Variants in ERI1 observed in about 807,000 individuals in gnomAD.
ERI1 encodes the protein exoribonuclease 1.
Under a neutral mutation model 39.7 loss-of-function variants are expected in ERI1, and 39 were observed. The observed-to-expected ratio is 0.98, with a 90% CI of 0.76 to 1.28. ERI1 has a LOEUF of 1.28. ERI1 is among the 50% of genes most tolerant of loss of function. The probability of loss-of-function intolerance (pLI) is 0.00; values close to 1 mark genes in which losing one functional copy is unlikely to be tolerated. For synonymous variants in ERI1, 204 were observed against 149.6 expected, an observed-to-expected ratio of 1.36 and a Z score of -2.65; for missense variants, 581 against 416.9, an observed-to-expected ratio of 1.39 and a Z score of -3.43.
At chr8:9,028,901 G>A (rs1797382165) in intron 6 of ERI1, among the ~76,000 whole-genome samples, 1 of 151,946 alleles carries the variant, frequency 6.6e-6, no homozygotes, top group Non-Finnish European at 1.5e-5. Flanking sequence ...TGGGATTACA[G>A]GCGTGAGCTA....
At chr8:9,062,917 A>G (rs536163392) in intron 3 of ERI1, 1 of 152,138 alleles carries the variant, frequency 6.6e-6, no homozygotes, top group East Asian at 2.0e-4. Context: ...CTGGGGGAGG[A>G]GGTTCTGGAG....
intron 3 of ERI1, among the ~76,000 whole-genome samples, chr8:9,074,130 A>C (rs1371764247): frequency 1.3e-5 from 2 of 151,410 alleles, no homozygotes; most frequent in Admixed American, 1.3e-4. Flanking sequence ...TGTTTTTTTG[A>C]GACATGGTCT....
chr8:9,099,482 C>T (rs1423591097), intron 3 of ERI1, among the ~76,000 whole-genome samples: 1 of 151,728 alleles, frequency 6.6e-6, no homozygotes, highest in South Asian at 2.1e-4. Flanking sequence ...GTGATCCCAA[C>T]TACTCAGGAG....
intron 3 of ERI1, among the ~76,000 whole-genome samples, chr8:9,045,823 T>C (rs951303185): frequency 2.0e-5 from 3 of 151,786 alleles, no homozygotes; most frequent in African/African-American, 7.3e-5. Context: ...ATTACAGGCA[T>C]GCATCACCAC....
Position 9,031,094 on chromosome 8 carries a change from AT to A in ERI1, c.*1064del, listed in dbSNP as rs1797555461. The A allele has an allele frequency of 6.6e-6, 1 of 152,172 alleles. No individual in the cohort carries two copies. The highest frequency in any genetic ancestry group is 2.4e-5 in the African/African-American group (1 of 41,452). 9.4% of individuals were successfully genotyped at this position (152,172 alleles called of 1,614,324 possible). A position where few individuals can be genotyped will look rare whatever the true frequency, so the allele number is the denominator to read the frequency against. On this transcript the variant is annotated 3_prime_UTR_variant, in exon 7 of 7. Coordinates refer to ENST00000250263, the MANE Select transcript of ERI1 (RefSeq NM_153332.4). The stretch of plus-strand genomic sequence containing the variant: ...TCTTATCTAGAGGCTAAACCCATGT[AT>A]TTTCAGAATTGAATTTTTCTCCTTG...
At chr8:9,003,964 A>C in intron 1 of ERI1, 1 of 624,070 alleles carries the variant, frequency 1.6e-6, no homozygotes, top group Non-Finnish European at 2.6e-6. Context: ...CAATAACATG[A>C]ATTTGGCTTA....
At chr8:9,025,208 A>G (rs750520603) in intron 6 of ERI1, among the ~76,000 whole-genome samples, 4 of 152,206 alleles carry the variant, frequency 2.6e-5, no homozygotes, top group African/African-American at 4.8e-5. Flanking sequence ...ATTATCTCCT[A>G]CAGTTTTTCC....
chr8:9,091,650 G>C (rs2117479082), intron 3 of ERI1: 1 of 152,284 alleles, frequency 6.6e-6, no homozygotes, highest in Middle Eastern at 3.4e-3. Flanking sequence ...AGATAAATTT[G>C]ACTGTGGTTC....
downstream of ERI1, among the ~76,000 whole-genome samples, chr8:9,034,652 C>T (rs1260462628): frequency 1.3e-5 from 2 of 151,920 alleles, no homozygotes; most frequent in East Asian, 1.9e-4. Context: ...CTACCTATTC[C>T]CTGAGACACA....
intron 3 of ERI1, chr8:9,091,098 A>G (rs1168626265): frequency 6.6e-6 from 1 of 152,214 alleles, no homozygotes; most frequent in African/African-American, 2.4e-5. Flanking sequence ...ATTTATGTGT[A>G]AGTTTAAAAT....
At chr8:9,052,347 G>A (rs1306614199) in intron 3 of ERI1, among the ~76,000 whole-genome samples, 1 of 151,654 alleles carries the variant, frequency 6.6e-6, no homozygotes, top group Non-Finnish European at 1.5e-5. Flanking sequence ...TCCCCTTTAA[G>A]CAAAATTGAG....
intron 3 of ERI1, among the ~76,000 whole-genome samples, chr8:9,059,561 C>A (rs1450154298): frequency 6.6e-6 from 1 of 151,698 alleles, no homozygotes; most frequent in African/African-American, 2.4e-5. Flanking sequence ...TGATGATGGC[C>A]TAGATACAAT....
At chr8:9,074,380 C>T (rs1373266938) in intron 3 of ERI1, among the ~76,000 whole-genome samples, 1 of 152,046 alleles carries the variant, frequency 6.6e-6, no homozygotes, top group African/African-American at 2.4e-5. Flanking sequence ...CCTCCTCAGC[C>T]TCCCAAAATG....
At chr8:9,056,914 A>G (rs1178744178) in intron 3 of ERI1, among the ~76,000 whole-genome samples, 26 of 150,254 alleles carry the variant, frequency 1.7e-4, no homozygotes, top group Admixed American at 1.7e-3. Context: ...TCTCACTGTA[A>G]TCTTTGTCAT....
At chr8:9,005,616 G>A (rs1005167447) in intron 1 of ERI1, among the ~76,000 whole-genome samples, 4 of 150,170 alleles carry the variant, frequency 2.7e-5, no homozygotes, top group African/African-American at 9.8e-5. Context: ...ACGGGTTCAC[G>A]CCATTCTCCT....
At chr8:9,096,831 C>T (rs975678684) in intron 3 of ERI1, 3 of 151,768 alleles carry the variant, frequency 2.0e-5, no homozygotes, top group African/African-American at 7.3e-5. Flanking sequence ...ATGCTCCCGC[C>T]TCAGCCTCCC....
chr8:9,099,592 C>G (rs1453510364), intron 3 of ERI1, among the ~76,000 whole-genome samples: 1 of 144,080 alleles, frequency 6.9e-6, no homozygotes. Flanking sequence ...GGGACACTCT[C>G]TCTCTCAAAA....
chr8:9,026,858 T>TA (rs58454617), intron 6 of ERI1, among the ~76,000 whole-genome samples: 2,040 of 148,232 alleles, frequency 0.014, 24 homozygotes, highest in African/African-American at 0.036. Context: ...TGTACCACGT[T>TA]AAAAAAAAAA....
chr8:9,033,671 T>A (rs1472803794), downstream of ERI1, among the ~76,000 whole-genome samples: 1 of 152,186 alleles, frequency 6.6e-6, no homozygotes, highest in Non-Finnish European at 1.5e-5. Context: ...TCTCTGCAGT[T>A]TACAGATGGG....
Sources: gnomAD v4.1 joint callset for allele counts (sites outside exome capture counted in the v4.1 genomes callset) on GRCh38, gnomAD v4.1.1 for gene constraint, MANE v1.5 for transcripts, NCBI Gene and HGNC (gene_info 2026-07-23, HGNC 2026-07-21) for gene names.